The following TSEN15 variants were observed in gnomAD, a reference collection of about 807,000 sequenced individuals.
The protein encoded by TSEN15 is tRNA-splicing endonuclease subunit Sen15.
TSEN15 carries 10 observed loss-of-function variants against 20.5 expected under a neutral mutation model. The observed-to-expected ratio is 0.49, with a 90% confidence interval of 0.30 to 0.83. TSEN15 has a LOEUF of 0.83. TSEN15 is among the 40% of genes least tolerant of loss of function. The probability of loss-of-function intolerance (pLI) is 0.06; values close to 1 mark genes in which losing one functional copy is unlikely to be tolerated. For synonymous variants in TSEN15, 72 were observed against 80.1 expected, an observed-to-expected ratio of 0.90 and a Z score of 0.54; for missense variants, 180 against 218.6, an observed-to-expected ratio of 0.82 and a Z score of 1.11.
chr1:184,060,984 C>T (rs1650433050), intron 3 of TSEN15, among the ~76,000 whole-genome samples: 3 of 152,000 alleles, frequency 2.0e-5, no homozygotes, highest in African/African-American at 7.2e-5. Context: ...TTCAATGTGC[C>T]CCATCCCAAT....
Position 184,055,074 on chromosome 1 carries a change from AAAAAAG to A in TSEN15, c.353+214_353+219del. On this transcript the variant is annotated intron_variant, in intron 3 of 4. Coordinates refer to ENST00000645668, the MANE Select transcript of TSEN15 (RefSeq NM_052965.4). ...CCTGAGACTGAGTAATTTCTTAAAA[AAAAAAG>A]AAGAGGTTTAAGTGGCTCATAGTTC... The A allele has an allele frequency of 6.0e-6, 3 of 496,408 alleles. No individual in the cohort carries two copies. In the South Asian group the frequency reaches 1.3e-4, roughly 22 times the overall value. The allele number at this position is 496,408 out of a possible 1,614,324, so 30.8% of individuals were successfully genotyped here. A position where few individuals can be genotyped will look rare whatever the true frequency, so the allele number is the denominator to read the frequency against.
intron 3 of TSEN15, chr1:184,094,860 G>GTCACCA (rs1208780123): frequency 1.8e-5 from 7 of 394,762 alleles, no homozygotes; most frequent in Non-Finnish European, 3.1e-5. Context: ...TAAGAGGTGG[G>GTCACCA]TCACCATCAC....
intron 3 of TSEN15, among the ~76,000 whole-genome samples, chr1:184,079,946 AC>A (rs1651131323): frequency 6.6e-6 from 1 of 152,188 alleles, no homozygotes; most frequent in Admixed American, 6.5e-5. Context: ...ATTGAGAAAT[AC>A]TTGTCTTGCA....
downstream of TSEN15, among the ~76,000 whole-genome samples, chr1:184,077,606 C>T (rs1418763906): frequency 6.6e-6 from 1 of 152,084 alleles, no homozygotes; most frequent in Non-Finnish European, 1.5e-5. Context: ...AGACTGACAA[C>T]CTTCCAGAAA....
chr1:184,060,384 C>T (rs765467861), intron 3 of TSEN15, among the ~76,000 whole-genome samples: 63 of 152,198 alleles, frequency 4.1e-4, no homozygotes, highest in South Asian at 8.3e-4. Flanking sequence ...TGCCAGGCAC[C>T]GTTGTGCAAA....
At chr1:184,079,712 C>T (rs1158226938) in intron 3 of TSEN15, among the ~76,000 whole-genome samples, 3 of 152,250 alleles carry the variant, frequency 2.0e-5, no homozygotes, top group Non-Finnish European at 2.9e-5. Context: ...TCCCTAAAGG[C>T]CTTATCCCCA....
rs147998524 is a variant in TSEN15, at chr1:184,061,087, T to C, written c.353+6224T>C. Among the ~76,000 whole-genome samples the C allele has an allele frequency of 3.1e-3, 470 of 152,294 alleles. 2 individuals are homozygous for C. The highest frequency in any genetic ancestry group is 7.4e-3 in the African/African-American group (306 of 41,564). ...ATATATTGTTCCCAGGACCTCTTAG[T>C]GCTAATTTGTCTTTTGACTCTCACT... On this transcript the variant is annotated intron_variant, in intron 3 of 4. Coordinates refer to ENST00000645668, the MANE Select transcript of TSEN15 (RefSeq NM_052965.4).
downstream of TSEN15, among the ~76,000 whole-genome samples, chr1:184,077,389 C>A (rs1651084002): frequency 6.6e-6 from 1 of 152,148 alleles, no homozygotes. Context: ...CAAAATATTA[C>A]TGTTCATTGA....
At chr1:184,068,664 T>C (rs957809106) in intron 3 of TSEN15, among the ~76,000 whole-genome samples, 3 of 152,168 alleles carry the variant, frequency 2.0e-5, no homozygotes, top group Non-Finnish European at 4.4e-5. Flanking sequence ...AAGGAGGTGG[T>C]CTGTTATCCC....
At chr1:184,095,200 C>T (rs1278884768) in intron 3 of TSEN15, 1 of 397,648 alleles carries the variant, frequency 2.5e-6, no homozygotes, top group Non-Finnish European at 4.4e-6. Flanking sequence ...CTAGTCTCCA[C>T]CTGCCAGTTT....
intron 3 of TSEN15, among the ~76,000 whole-genome samples, chr1:184,091,513 C>G (rs1407857113): frequency 6.6e-6 from 1 of 151,756 alleles, no homozygotes; most frequent in East Asian, 1.9e-4. Context: ...TATATTTTAG[C>G]TATTATTATT....
At chr1:184,067,471 CT>C (rs1294939162) in intron 3 of TSEN15, among the ~76,000 whole-genome samples, 2 of 152,112 alleles carry the variant, frequency 1.3e-5, no homozygotes, top group Non-Finnish European at 2.9e-5. Context: ...AACCTGGTAC[CT>C]GGTACATGGT....
At chr1:184,058,078 G>A in intron 3 of TSEN15, 1 of 360,514 alleles carries the variant, frequency 2.8e-6, no homozygotes, top group Non-Finnish European at 5.4e-6. Context: ...ATTAATGAAA[G>A]CAATAGCCTA....
chr1:184,079,743 T>C (rs892136676), intron 3 of TSEN15, among the ~76,000 whole-genome samples: 2 of 152,134 alleles, frequency 1.3e-5, no homozygotes, highest in African/African-American at 4.8e-5. Flanking sequence ...CATTGTGGGA[T>C]AGGATTTCAA....
rs1265015641 is a variant in TSEN15 at position 184,073,272 on chromosome 1, G to C, written c.*425G>C. Reference sequence around the variant, plus strand: ...TGGCCACTGCAGCTACCGTAGAATGGCATTTTATATGTACCTTGTCACCCA... The same window carrying C: ...TGGCCACTGCAGCTACCGTAGAATGCCATTTTATATGTACCTTGTCACCCA... On this transcript the variant is annotated 3_prime_UTR_variant, in exon 5 of 5. Transcript: ENST00000645668. 3.1e-5 allele frequency: 5 copies of C among 159,354 alleles called. No homozygotes were observed. Among genetic ancestry groups the C allele is most frequent in the Admixed American group, 1.3e-4 (2 of 15,464 alleles). The allele number at this position is 159,354 out of a possible 1,614,324, so 9.9% of individuals were successfully genotyped here.
At chr1:184,061,068 T>C (rs999726223) in intron 3 of TSEN15, among the ~76,000 whole-genome samples, 11 of 152,316 alleles carry the variant, frequency 7.2e-5, no homozygotes, top group Admixed American at 7.2e-4. Context: ...GCCCATATAT[T>C]GTTCCCAGGA....
chr1:184,086,124 C>A (rs985771422), intron 3 of TSEN15, among the ~76,000 whole-genome samples: 1 of 152,098 alleles, frequency 6.6e-6, no homozygotes, highest in African/African-American at 2.4e-5. Flanking sequence ...GTATTTATCA[C>A]TTTTATATTC....
At chr1:184,077,975 CAG>C (rs1195189246), downstream of TSEN15, among the ~76,000 whole-genome samples, 1 of 152,100 alleles carries the variant, frequency 6.6e-6, no homozygotes, top group African/African-American at 2.4e-5. Flanking sequence ...AAAGCAGCAG[CAG>C]AGTTTGAGAA....
chr1:184,088,477 A>C (rs1651303305), intron 3 of TSEN15, among the ~76,000 whole-genome samples: 1 of 151,980 alleles, frequency 6.6e-6, no homozygotes, highest in Non-Finnish European at 1.5e-5. Flanking sequence ...AGGAAGGAAG[A>C]GAAAGAAAGA....
Sources: allele counts gnomAD v4.1 joint callset (sites outside exome capture counted in the v4.1 genomes callset), GRCh38; gene constraint gnomAD v4.1.1; transcripts MANE v1.5; gene names NCBI Gene and HGNC (gene_info 2026-07-23, HGNC 2026-07-21).